The following MSH4 variants were observed in gnomAD, a reference collection of about 807,000 sequenced individuals.
MSH4 encodes mutS homolog 4.
MSH4 carries 106 observed loss-of-function variants against 113.7 expected under a neutral mutation model. The ratio of observed to expected loss-of-function variants is 0.93; its 90% CI spans 0.80 to 1.10. The LOEUF (loss-of-function observed/expected upper bound fraction) is 1.10, where lower values mean the gene tolerates loss of function less well. MSH4 is among the 50% of genes least tolerant of loss of function. The pLI is 0.00. For missense variants in MSH4, 1,061 were observed against 1,093.7 expected, an observed-to-expected ratio of 0.97 and a Z score of 0.42; for synonymous variants, 368 against 380.2, an observed-to-expected ratio of 0.97 and a Z score of 0.37.
intron 11 of MSH4, 79 bp from the exon 12 acceptor site, chr1:75,878,911 ACT>A (rs1651871967): frequency 8.3e-7 from 1 of 1,202,222 alleles, no homozygotes; most frequent in Admixed American, 2.3e-5. Context: ...AAACCATGTG[ACT>A]CTTTAAAACA....
intron 7 of MSH4, among the ~76,000 whole-genome samples, chr1:75,827,664 CAAA>C (rs201976546): frequency 5.1e-5 from 6 of 118,384 alleles, no homozygotes; most frequent in Admixed American, 8.4e-5. Flanking sequence ...AAATGGAAAG[CAAA>C]AAAAAAAAAA....
At chr1:75,832,524 C>G (rs1319109484) in intron 7 of MSH4, among the ~76,000 whole-genome samples, 5 of 152,128 alleles carry the variant, frequency 3.3e-5, no homozygotes, top group South Asian at 4.1e-4. Context: ...AACATCGATG[C>G]AAAAATCCTC....
chr1:75,903,429 G>C (rs1652551968), intron 19 of MSH4, among the ~76,000 whole-genome samples: 2 of 151,820 alleles, frequency 1.3e-5, no homozygotes, highest in African/African-American at 4.8e-5. Flanking sequence ...TGGTTACTAT[G>C]GCTTTGTAGT....
intron 7 of MSH4, among the ~76,000 whole-genome samples, chr1:75,832,432 T>A (rs1415521279): frequency 6.6e-6 from 1 of 152,184 alleles, no homozygotes; most frequent in African/African-American, 2.4e-5. Context: ...CTAACTCATT[T>A]TATGAGGCTG....
In MSH4 at chr1:75,797,193, C is replaced by T. The variant is rs759711542; in HGVS notation, c.208C>T (p.Leu70Phe). 17 of 1,607,976 alleles carry T rather than the reference C, an allele frequency of 1.1e-5. No homozygotes were observed. In the Middle Eastern group the frequency reaches 1.3e-3, roughly 126 times the overall value. The change falls in exon 1 of 20, where the codon CTT becomes TTT. Residue 70 changes from leucine (L) to phenylalanine (F), a missense_variant. Coordinates refer to ENST00000263187, the MANE Select transcript of MSH4 (RefSeq NM_002440.4). Reference protein sequence around the residue: ...AGDRSSSSSSLPCPAPNSRPA... With the variant: ...AGDRSSSSSSFPCPAPNSRPA... Reference sequence around the variant, plus strand: ...CGACCGGAGCAGCAGCAGCAGCAGCCTTCCCTGCCCCGCGCCAAACTCCCG... The same window carrying T: ...CGACCGGAGCAGCAGCAGCAGCAGCTTTCCCTGCCCCGCGCCAAACTCCCG...
chr1:75,893,149 A>G (rs1652296454), intron 17 of MSH4, among the ~76,000 whole-genome samples: 1 of 152,152 alleles, frequency 6.6e-6, no homozygotes, highest in African/African-American at 2.4e-5. Flanking sequence ...TAATGTGTTA[A>G]CTTAGAAGCA....
chr1:75,797,086 G>T lies in MSH4; in HGVS notation c.101G>T (p.Gly34Val). 2 of 1,614,004 alleles carry T rather than the reference G, an allele frequency of 1.2e-6. No homozygotes were observed. The highest frequency in any genetic ancestry group is 1.1e-5 in the South Asian group (1 of 91,086). Residue 34 changes from glycine (G) to valine (V), a missense_variant, in exon 1 of 20, where the codon GGA (glycine) becomes GTA (valine). By Grantham distance (109) the Gly-to-Val change is moderately radical (BLOSUM62 -3). Transcript: ENST00000263187. ...CCTCAGGGTCCCCGCTACAATTTCGGACTCCAGGAGACTCCACAGAGCCGC... is the reference window on the plus strand; with the variant it reads ...CCTCAGGGTCCCCGCTACAATTTCGTACTCCAGGAGACTCCACAGAGCCGC... ...RSPQGPRYNF[G>V]LQETPQSRPS...
At chr1:75,850,922 T>C (rs1404571963) in intron 8 of MSH4, among the ~76,000 whole-genome samples, 1 of 152,192 alleles carries the variant, frequency 6.6e-6, no homozygotes, top group Non-Finnish European at 1.5e-5. Flanking sequence ...CCTGTTGTCA[T>C]TATGAAATGA....
chr1:75,900,806 A>G (rs1167569763), intron 19 of MSH4, among the ~76,000 whole-genome samples: 1 of 152,032 alleles, frequency 6.6e-6, no homozygotes, highest in Non-Finnish European at 1.5e-5. Context: ...TTAGTCAGAA[A>G]TTTTAACTGT....
chr1:75,911,930 G>A (rs537941983), intron 19 of MSH4, among the ~76,000 whole-genome samples: 1 of 151,966 alleles, frequency 6.6e-6, no homozygotes, highest in African/African-American at 2.4e-5. Flanking sequence ...TCTCTATCTA[G>A]TTCAGGCAAA....
intron 17 of MSH4, among the ~76,000 whole-genome samples, chr1:75,897,700 A>G (rs5745537): frequency 0.047 from 7,200 of 152,202 alleles, 208 homozygotes; most frequent in African/African-American, 0.064. Context: ...CACAAACATA[A>G]TAAACATATC....
chr1:75,876,158 C>T (rs558828219), intron 9 of MSH4, among the ~76,000 whole-genome samples: 51 of 152,154 alleles, frequency 3.4e-4, no homozygotes, highest in Non-Finnish European at 5.9e-4. Flanking sequence ...CTTCTGATCC[C>T]AAGCATTTTG....
chr1:75,872,244 A>G (rs1401484778), intron 9 of MSH4, among the ~76,000 whole-genome samples: 4 of 152,214 alleles, frequency 2.6e-5, no homozygotes, highest in African/African-American at 7.2e-5. Flanking sequence ...GCCAATGGCA[A>G]GTTTCCATGA....
intron 8 of MSH4, among the ~76,000 whole-genome samples, chr1:75,857,639 T>A (rs570248767): frequency 6.6e-6 from 1 of 152,332 alleles, no homozygotes; most frequent in South Asian, 2.1e-4. Flanking sequence ...TCTGTTCCGT[T>A]GGTCTATATA....
In MSH4 at chr1:75,822,461, A is replaced by T; in HGVS notation, c.1042A>T (p.Ser348Cys). ...AAATTATACTAAGACTCCTGGAGGG[A>T]GTAGACGACTTCGTTCTAATATATT... ...VLNYTKTPGG[S>C]RRLRSNILEP... The change falls in exon 7 of 20, where the codon AGT becomes TGT. Residue 348 changes from serine (S) to cysteine (C), a missense_variant. Transcript: ENST00000263187. 6.3e-7 allele frequency: 1 copy of T among 1,587,060 alleles called. No individual in the cohort carries two copies. Among genetic ancestry groups the T allele is most frequent in the Non-Finnish European group, 8.6e-7 (1 of 1,169,324 alleles).
chr1:75,827,664 C>CAAAAAAAAAAAAAAA (rs201976546), intron 7 of MSH4, among the ~76,000 whole-genome samples: 2 of 118,394 alleles, frequency 1.7e-5, no homozygotes, highest in African/African-American at 3.3e-5. Context: ...AAATGGAAAG[C>CAAAAAAAAAAAAAAA]AAAAAAAAAA....
At position 75,880,080 on chromosome 1, in the gene MSH4, A is replaced by C. The variant is rs1490633199; in HGVS notation, c.1708A>C (p.Thr570Pro). ...TAAAGTGAAAAATTCTTACAGCTTT[A>C]CATCAGCAGATTTAATTAAAATGAA... is the stretch of plus-strand genomic sequence containing the variant. ...ISKVKNSYSF[T>P]SADLIKMNER... The change falls in exon 13 of 20, where the codon ACA (threonine) becomes CCA (proline). Residue 570 changes from threonine (T) to proline (P), a missense_variant. Thr to Pro is a conservative substitution (Grantham distance 38, BLOSUM62 -1). Coordinates refer to ENST00000263187, the MANE Select transcript of MSH4 (RefSeq NM_002440.4). 2.5e-6 allele frequency: 4 copies of C among 1,596,422 alleles called. No homozygotes were observed. The Admixed American group carries it at 6.9e-5, about 27-fold the overall frequency.
chr1:75,896,244 A>G (rs913841726), intron 17 of MSH4, among the ~76,000 whole-genome samples: 1 of 151,512 alleles, frequency 6.6e-6, no homozygotes, highest in Non-Finnish European at 1.5e-5. Context: ...TATTCCATCA[A>G]CTCTCTTGGG....
rs1431057741 is a variant in MSH4, at chr1:75,880,086, G to T, written c.1714G>T (p.Ala572Ser). 1 of 1,597,884 alleles carries T rather than the reference G, an allele frequency of 6.3e-7. No individual in the cohort carries two copies. Among genetic ancestry groups the T allele is most frequent in the South Asian group, 1.1e-5 (1 of 87,624 alleles). The change falls in exon 13 of 20, where the codon GCA becomes TCA. Residue 572 changes from alanine (A) to serine (S), a missense_variant. Coordinates refer to ENST00000263187, the MANE Select transcript of MSH4 (RefSeq NM_002440.4). ...GAAAAATTCTTACAGCTTTACATCA[G>T]CAGATTTAATTAAAATGAATGAAAG... ...KVKNSYSFTS[A>S]DLIKMNERCQ...
Sources: allele counts gnomAD v4.1 joint callset (sites outside exome capture counted in the v4.1 genomes callset), GRCh38; gene constraint gnomAD v4.1.1; transcripts MANE v1.5; gene names NCBI Gene and HGNC (gene_info 2026-07-23, HGNC 2026-07-21).